EFCAB3: variants seen among roughly 807,000 people sequenced by gnomAD.
EFCAB3 encodes the protein EF-hand calcium-binding domain-containing protein 3.
EFCAB3 carries 36 observed loss-of-function variants against 42.2 expected under a neutral mutation model. The ratio of observed to expected loss-of-function variants is 0.85; its 90% CI spans 0.65 to 1.13. The LOEUF is 1.13. Among genes scored for constraint, EFCAB3 ranks in the 50% most tolerant of loss-of-function variants. The pLI is 0.00. For synonymous variants in EFCAB3, 170 were observed against 172.8 expected, an observed-to-expected ratio of 0.98 and a Z score of 0.13; for missense variants, 418 against 505.1, an observed-to-expected ratio of 0.83 and a Z score of 1.65.
chr17:62,395,554 G>C (rs1004808294), intron 6 of EFCAB3, among the ~76,000 whole-genome samples: 2 of 152,108 alleles, frequency 1.3e-5, no homozygotes, highest in Admixed American at 1.3e-4. Context: ...AGACACTCTT[G>C]TTCATGCTGA....
chr17:62,410,692 A>G (rs1403133383), intron 8 of EFCAB3, among the ~76,000 whole-genome samples: 2 of 149,448 alleles, frequency 1.3e-5, no homozygotes. Context: ...TTCAGAAAGC[A>G]AGAGAGAGAG....
Position 62,406,622 on chromosome 17 carries a change from A to G in EFCAB3, c.631A>G (p.Ile211Val), listed in dbSNP as rs899491008. ...SMAAFANAAR[I>V]AIMKEKDLFK... The stretch of plus-strand genomic sequence containing the variant: ...GGCTGCCTTTGCTAATGCTGCCCGG[A>G]TTGCAATAATGAAAGAAAAGGATTT... Residue 211 changes from isoleucine to valine, a missense_variant, in exon 7 of 10, where the codon ATT (isoleucine) becomes GTT (valine). By Grantham distance (29) the Ile-to-Val change is conservative (BLOSUM62 3). Coordinates refer to ENST00000305286, the MANE Select transcript of EFCAB3 (RefSeq NM_173503.4). 13 of 1,613,926 alleles carry G rather than the reference A, an allele frequency of 8.1e-6. No homozygotes were observed. In the East Asian group the frequency reaches 2.5e-4, roughly 30 times the overall value.
In EFCAB3 at chr17:62,382,963, A is replaced by G; in HGVS notation, c.-17A>G. 2 of 1,610,442 alleles carry G rather than the reference A, an allele frequency of 1.2e-6. No individual in the cohort carries two copies. Among genetic ancestry groups the G allele is most frequent in the Non-Finnish European group, 8.5e-7 (1 of 1,178,920 alleles). On this transcript the variant is annotated splice_region_variant and 5_prime_UTR_variant, in exon 2 of 10. Coordinates refer to ENST00000305286, the MANE Select transcript of EFCAB3 (RefSeq NM_173503.4). Reference sequence around the variant, plus strand: ...CTTAATTGTATATTCTGAATTCCAGACAGAGTCACTGGCCACATGGCAGTT... The same window carrying G: ...CTTAATTGTATATTCTGAATTCCAGGCAGAGTCACTGGCCACATGGCAGTT...
In EFCAB3 at chr17:62,406,579, A is replaced by C; in HGVS notation, c.588A>C (p.Thr196=). The change falls in exon 7 of 10, where the codon ACA becomes ACC. Residue 196 remains threonine, a synonymous_variant. Transcript: ENST00000305286. ...GKRTLKPDIC[T]PPSSSMAAFA... is the part of the protein sequence containing the mutation. ...GGACACTTAAGCCAGACATATGCAC[A>C]CCTCCAAGCTCAAGCATGGCTGCCT... 1 of 1,614,080 alleles carries C rather than the reference A, an allele frequency of 6.2e-7. No individual in the cohort carries two copies.
chr17:62,406,702 T>C, intron 7 of EFCAB3, 29 bp downstream of exon 7: 1 of 1,609,794 alleles, frequency 6.2e-7, no homozygotes, highest in Non-Finnish European at 8.5e-7. Flanking sequence ...CTCTCTACTG[T>C]TGTAAAGGAT....
intron 2 of EFCAB3, among the ~76,000 whole-genome samples, chr17:62,386,314 C>T (rs1216286482): frequency 6.6e-6 from 1 of 152,022 alleles, no homozygotes; most frequent in African/African-American, 2.4e-5. Context: ...ATGTTCCTGC[C>T]TTTTCCAGAT....
intron 2 of EFCAB3, among the ~76,000 whole-genome samples, chr17:62,375,542 T>C (rs1047238418): frequency 2.6e-5 from 4 of 152,244 alleles, no homozygotes; most frequent in African/African-American, 7.2e-5. Context: ...AGCTTAGTTT[T>C]TGAGTACACA....
At chr17:62,377,407 TA>T (rs949398397), upstream of EFCAB3, among the ~76,000 whole-genome samples, 1 of 152,100 alleles carries the variant, frequency 6.6e-6, no homozygotes. Flanking sequence ...TCCTCATGCT[TA>T]GAAAACAAAA....
chr17:62,373,534 T>C (rs538506314), intron 1 of EFCAB3, among the ~76,000 whole-genome samples: 2 of 151,714 alleles, frequency 1.3e-5, no homozygotes, highest in Admixed American at 6.6e-5. Context: ...GGTGAGAGTA[T>C]CGCTTGAGCC....
rs145854740 is a variant in EFCAB3 at position 62,401,766 on chromosome 17, A to T, written c.489-4714A>T. On this transcript the variant is annotated intron_variant, in intron 6 of 9. Transcript: ENST00000305286. ...CTTTTTGCTTAGGATTGTCATGGCA[A>T]TGTGGGCTCTTTTTTGGTCCCACAT... Among the ~76,000 whole-genome samples the T allele has an allele frequency of 5.9e-3, 904 of 152,320 alleles. 7 individuals are homozygous for T. The highest frequency in any genetic ancestry group is 0.021 in the African/African-American group (858 of 41,550).
upstream of EFCAB3, chr17:62,378,042 G>A (rs190475900): frequency 6.5e-7 from 1 of 1,540,256 alleles, no homozygotes; most frequent in African/African-American, 1.4e-5. Context: ...CTGATGTGAA[G>A]CCATTGTAAA....
At chr17:62,370,298 TTGA>T (rs1567717794) in exon 1 of EFCAB3, 1 of 1,551,352 alleles carries the variant, frequency 6.4e-7, no homozygotes, top group Non-Finnish European at 8.7e-7. Context: ...AATGAAGGAG[TTGA>T]TGCCTCATTT....
intron 2 of EFCAB3, among the ~76,000 whole-genome samples, chr17:62,385,423 C>T (rs1343045987): frequency 2.6e-5 from 4 of 151,986 alleles, no homozygotes; most frequent in Non-Finnish European, 5.9e-5. Flanking sequence ...GCCTGGACTG[C>T]AGAGGGAGAC....
upstream of EFCAB3, chr17:62,378,142 C>T (rs2070165020): frequency 1.3e-6 from 1 of 783,598 alleles, no homozygotes; most frequent in African/African-American, 1.8e-5. Flanking sequence ...ATCTACTTGT[C>T]CATAAAGTGA....
At chr17:62,377,673 C>T (rs1292990796), upstream of EFCAB3, among the ~76,000 whole-genome samples, 2 of 152,126 alleles carry the variant, frequency 1.3e-5, no homozygotes, top group African/African-American at 4.8e-5. Flanking sequence ...TCATCTTCCT[C>T]CTGAATCAAC....
At chr17:62,375,649 A>G (rs1051730364), upstream of EFCAB3, among the ~76,000 whole-genome samples, 2 of 152,204 alleles carry the variant, frequency 1.3e-5, no homozygotes, top group African/African-American at 4.8e-5. Context: ...AGCTGTATCA[A>G]GGTCATTCTT....
intron 8 of EFCAB3, among the ~76,000 whole-genome samples, chr17:62,410,339 T>C (rs1360800724): frequency 6.6e-6 from 1 of 152,180 alleles, no homozygotes; most frequent in Non-Finnish European, 1.5e-5. Context: ...CTGAGCAACA[T>C]GGTGAAACCC....
At chr17:62,396,369 A>G (rs2070348949) in intron 6 of EFCAB3, among the ~76,000 whole-genome samples, 1 of 152,098 alleles carries the variant, frequency 6.6e-6, no homozygotes, top group Non-Finnish European at 1.5e-5. Context: ...CCTGGCCAAC[A>G]TGGTGAAACC....
chr17:62,373,003 A>G (rs1360217727), intron 1 of EFCAB3, among the ~76,000 whole-genome samples: 2 of 152,212 alleles, frequency 1.3e-5, no homozygotes, highest in African/African-American at 2.4e-5. Context: ...AGATAGGGCC[A>G]GGCACAGTGG....
Sources: gnomAD v4.1 joint callset for allele counts (sites outside exome capture counted in the v4.1 genomes callset) on GRCh38, gnomAD v4.1.1 for gene constraint, MANE v1.5 for transcripts, NCBI Gene and HGNC (gene_info 2026-07-23, HGNC 2026-07-21) for gene names.